Variants in NR2F1-AS1 observed in about 807,000 individuals in gnomAD.
NR2F1-AS1 encodes the protein NR2F1 regulatory antisense RNA 1.
At chr5:93,516,142 C>T (rs939373027) in intron 4 of NR2F1-AS1, among the ~76,000 whole-genome samples, 1 of 151,864 alleles carries the variant, frequency 6.6e-6, no homozygotes, top group Admixed American at 6.6e-5. Flanking sequence ...AACATCCAGA[C>T]AAAATGTGTA....
At chr5:93,487,445 C>T (rs1750748206) in intron 4 of NR2F1-AS1, among the ~76,000 whole-genome samples, 1 of 152,112 alleles carries the variant, frequency 6.6e-6, no homozygotes, top group Non-Finnish European at 1.5e-5. Context: ...CATTCCTATA[C>T]ACCAATAATA....
intron 4 of NR2F1-AS1, among the ~76,000 whole-genome samples, chr5:93,534,986 C>A (rs1192176429): frequency 1.3e-5 from 2 of 152,110 alleles, no homozygotes; most frequent in African/African-American, 4.8e-5. Context: ...TTAAAATAGG[C>A]ATCTATAGGA....
chr5:93,481,231 G>GA (rs35901890), intron 4 of NR2F1-AS1, among the ~76,000 whole-genome samples: 1 of 151,646 alleles, frequency 6.6e-6, no homozygotes, highest in Non-Finnish European at 1.5e-5. Context: ...CTGATATCAG[G>GA]AAAAAAATGG....
chr5:93,433,255 C>T (rs10043203), intron 4 of NR2F1-AS1, among the ~76,000 whole-genome samples: 147,969 of 152,302 alleles, frequency 0.97, 71,901 homozygotes, highest in East Asian at 1. Flanking sequence ...GTTGGGTTTT[C>T]TCCTTTAAGG....
At chr5:93,570,585 G>A (rs1752731209) in intron 1 of NR2F1-AS1, 1 of 149,678 alleles carries the variant, frequency 6.7e-6, no homozygotes, top group African/African-American at 2.6e-5. Context: ...TGGGCCTGGG[G>A]TTCGGGAAGC....
intron 4 of NR2F1-AS1, among the ~76,000 whole-genome samples, chr5:93,457,201 C>G (rs183327236): frequency 4.6e-5 from 7 of 152,144 alleles, no homozygotes; most frequent in African/African-American, 7.2e-5. Context: ...TCCCTTCCCA[C>G]GAGGCCATAT....
At chr5:93,457,336 A>C (rs1191303377) in intron 4 of NR2F1-AS1, among the ~76,000 whole-genome samples, 1 of 152,142 alleles carries the variant, frequency 6.6e-6, no homozygotes, top group East Asian at 1.9e-4. Flanking sequence ...GATGACTTTT[A>C]ACAAGCATGC....
At chr5:93,467,396 C>T (rs1750261693) in intron 4 of NR2F1-AS1, among the ~76,000 whole-genome samples, 1 of 151,980 alleles carries the variant, frequency 6.6e-6, no homozygotes, top group Non-Finnish European at 1.5e-5. Context: ...TCCAAGGCAT[C>T]CTCTCCTCAT....
intron 3 of NR2F1-AS1, among the ~76,000 whole-genome samples, chr5:93,554,186 C>T (rs1752297101): frequency 6.6e-6 from 1 of 152,056 alleles, no homozygotes; most frequent in African/African-American, 2.4e-5. Context: ...AATGATGATG[C>T]TCAAAACATG....
At chr5:93,518,984 A>G (rs1222277919) in intron 4 of NR2F1-AS1, among the ~76,000 whole-genome samples, 1 of 152,104 alleles carries the variant, frequency 6.6e-6, no homozygotes, top group Non-Finnish European at 1.5e-5. Context: ...ATTAAACACA[A>G]TAAAAATCAC....
At chr5:93,424,622 T>C (rs1018692896) in intron 4 of NR2F1-AS1, among the ~76,000 whole-genome samples, 1 of 152,192 alleles carries the variant, frequency 6.6e-6, no homozygotes, top group Non-Finnish European at 1.5e-5. Context: ...CTTCAGACTA[T>C]TCTCCACATG....
At chr5:93,476,793 C>G (rs1007983726) in intron 4 of NR2F1-AS1, among the ~76,000 whole-genome samples, 1 of 151,944 alleles carries the variant, frequency 6.6e-6, no homozygotes, top group Non-Finnish European at 1.5e-5. Context: ...GAACTCCTAA[C>G]TCTTAGTTCA....
intron 1 of NR2F1-AS1, among the ~76,000 whole-genome samples, chr5:93,577,949 T>C (rs550418007): frequency 6.6e-6 from 1 of 152,340 alleles, no homozygotes; most frequent in Non-Finnish European, 1.5e-5. Flanking sequence ...TAGGGTCCCA[T>C]GGCTCTTGAA....
chr5:93,507,364 TGTTTTGTTTG>T (rs1751207683), intron 4 of NR2F1-AS1, among the ~76,000 whole-genome samples: 1 of 109,636 alleles, frequency 9.1e-6, no homozygotes, highest in South Asian at 2.7e-4. Context: ...TGTTTTGTTT[TGTTTTGTTTG>T]GAGACGAAGT....
chr5:93,435,919 C>A (rs1463095993), intron 4 of NR2F1-AS1, among the ~76,000 whole-genome samples: 1 of 152,176 alleles, frequency 6.6e-6, no homozygotes, highest in African/African-American at 2.4e-5. Flanking sequence ...CACACACAGT[C>A]CTTCTGGGTC....
rs927134850 is a variant in NR2F1-AS1 at position 93,579,475 on chromosome 5, G to A, written n.313+992C>T. Among the ~76,000 whole-genome samples, 1 of 152,160 alleles carries A rather than the reference G, an allele frequency of 6.6e-6. No homozygotes were observed. The highest frequency in any genetic ancestry group is 1.5e-5 in the Non-Finnish European group (1 of 68,012). On this transcript the variant is annotated intron_variant and non_coding_transcript_variant, in intron 1 of 5. Coordinates refer to ENST00000660523, the Ensembl canonical transcript of NR2F1-AS1. This position sits in a 1 kb window ranked among gnomAD's most constrained non-coding sequence, Gnocchi z 5.1. ...GCACGGAGAGCCCACAGTAAGGATG[G>A]GTGGGCGCCTCTGCTCCCGGGCAGG...
chr5:93,464,156 AT>A (rs1750166337), intron 4 of NR2F1-AS1, among the ~76,000 whole-genome samples: 2 of 152,190 alleles, frequency 1.3e-5, no homozygotes, highest in South Asian at 4.1e-4. Context: ...GGGTGATTGA[AT>A]TATGGTGGCA....
chr5:93,490,069 G>C lies in NR2F1-AS1; in HGVS notation n.638+63692C>G, dbSNP rs563101022. Among the ~76,000 whole-genome samples, 4 of 152,296 alleles carry C rather than the reference G, an allele frequency of 2.6e-5. No homozygotes were observed. The South Asian group carries it at 8.3e-4, about 32-fold the overall frequency. On this transcript the variant is annotated intron_variant and non_coding_transcript_variant, in intron 4 of 5. Transcript: ENST00000660523. ...CCACCACTCCCTTCAGATCCAGATT[G>C]AGCATATGTGTTACTTGGTGCAATT...
chr5:93,528,165 A>G (rs1050434292), intron 4 of NR2F1-AS1, among the ~76,000 whole-genome samples: 1 of 152,186 alleles, frequency 6.6e-6, no homozygotes, highest in African/African-American at 2.4e-5. Context: ...AAAAAAACAA[A>G]CAAGCCCATT....
Sources: allele counts gnomAD v4.1 joint callset (sites outside exome capture counted in the v4.1 genomes callset), GRCh38; gene constraint gnomAD v4.1.1; non-coding constraint Gnocchi (gnomAD v3.1); transcripts MANE v1.5; gene names NCBI Gene and HGNC (gene_info 2026-07-23, HGNC 2026-07-21).